Variants in CDH13 observed in about 807,000 individuals in gnomAD.
The protein encoded by CDH13 is cadherin 13.
Under a neutral mutation model 63.8 loss-of-function variants are expected in CDH13, and 24 were observed. The ratio of observed to expected loss-of-function variants is 0.38; its 90% confidence interval spans 0.27 to 0.53. The LOEUF (loss-of-function observed/expected upper bound fraction) is 0.53, where lower values mean the gene tolerates loss of function less well. Among genes scored for constraint, CDH13 ranks in the 20% least tolerant of loss-of-function variants. The probability of loss-of-function intolerance (pLI) is 0.85; values close to 1 mark genes in which losing one functional copy is unlikely to be tolerated. For synonymous variants in CDH13, 503 were observed against 355.3 expected (o/e 1.42, Z -4.67); for missense variants, 1,049 against 903.1 (o/e 1.16, Z -2.07).
chr16:83,343,736 C>G (rs1435415922), intron 5 of CDH13, among the ~76,000 whole-genome samples: 1 of 152,084 alleles, frequency 6.6e-6, no homozygotes, highest in Non-Finnish European at 1.5e-5. Context: ...TATTTAAATG[C>G]TTTAGAAATA....
At chr16:83,255,995 C>T (rs1034309131) in intron 5 of CDH13, among the ~76,000 whole-genome samples, 6 of 152,158 alleles carry the variant, frequency 3.9e-5, no homozygotes, top group Non-Finnish European at 8.8e-5. Flanking sequence ...CCTAGGGCCA[C>T]TGAGGATTAA....
At chr16:82,883,020 A>T (rs778666493) in intron 2 of CDH13, among the ~76,000 whole-genome samples, 2 of 152,174 alleles carry the variant, frequency 1.3e-5, no homozygotes, top group Non-Finnish European at 2.9e-5. Context: ...AAGTTCACTA[A>T]TTTCAATTAT....
intron 1 of CDH13, among the ~76,000 whole-genome samples, chr16:82,645,052 C>G (rs1258862879): frequency 6.6e-6 from 1 of 152,120 alleles, no homozygotes; most frequent in African/African-American, 2.4e-5. Flanking sequence ...GAGGGCTCTT[C>G]CCAAACCCCT....
At chr16:83,683,791 T>C (rs1904277088) in intron 10 of CDH13, among the ~76,000 whole-genome samples, 1 of 152,228 alleles carries the variant, frequency 6.6e-6, no homozygotes, top group African/African-American at 2.4e-5. Flanking sequence ...TTTTGGCATA[T>C]ACAGAATTCT....
rs1307051021 is a variant in CDH13, at chr16:83,047,142, T to G, written c.366+14924T>G. ...GATATAAAGCTTTAAACAGTAGTAG[T>G]TCTCCGTGAGACCCAAGGAAAGGTC... On this transcript the variant is annotated intron_variant, in intron 3 of 13. Transcript: ENST00000567109. The surrounding 1 kb of genome is among the most constrained non-coding windows in gnomAD (Gnocchi z 4.9). Among the ~76,000 whole-genome samples, 1 of 152,198 alleles carries G rather than the reference T, an allele frequency of 6.6e-6. No individual in the cohort carries two copies. The highest frequency in any genetic ancestry group is 2.4e-5 in the African/African-American group (1 of 41,444).
chr16:83,571,486 C>G (rs1904616507), intron 7 of CDH13, among the ~76,000 whole-genome samples: 1 of 152,114 alleles, frequency 6.6e-6, no homozygotes, highest in African/African-American at 2.4e-5. Context: ...CTAACAGAAT[C>G]TAAGTTTAAG....
At chr16:83,025,655 G>A (rs142249481) in intron 2 of CDH13, among the ~76,000 whole-genome samples, 51 of 152,232 alleles carry the variant, frequency 3.4e-4, no homozygotes, top group African/African-American at 1.2e-3. Context: ...TTTGCCCAAC[G>A]TCACAGGGCT....
chr16:83,318,932 A>T (rs2090163377), intron 5 of CDH13, among the ~76,000 whole-genome samples: 1 of 152,058 alleles, frequency 6.6e-6, no homozygotes, highest in Non-Finnish European at 1.5e-5. Context: ...AGCTCACAGG[A>T]GTAAAAAACA....
intron 5 of CDH13, among the ~76,000 whole-genome samples, chr16:83,226,555 G>T (rs995458705): frequency 2.6e-5 from 4 of 152,170 alleles, no homozygotes; most frequent in African/African-American, 9.7e-5. Flanking sequence ...TAAATGACAG[G>T]ATGGCTACCC....
At chr16:82,736,533 T>C (rs1199335363) in intron 1 of CDH13, among the ~76,000 whole-genome samples, 1 of 152,156 alleles carries the variant, frequency 6.6e-6, no homozygotes, top group South Asian at 2.1e-4. Flanking sequence ...ATAAGAGCCA[T>C]GGGGCAGCAT....
intron 5 of CDH13, among the ~76,000 whole-genome samples, chr16:83,223,262 G>A (rs2039750449): frequency 6.6e-6 from 1 of 152,154 alleles, no homozygotes; most frequent in Non-Finnish European, 1.5e-5. Context: ...ATGGTGCCTG[G>A]CACCTTGCAC....
At chr16:83,259,482 G>A (rs538138613) in intron 5 of CDH13, among the ~76,000 whole-genome samples, 5 of 152,164 alleles carry the variant, frequency 3.3e-5, no homozygotes, top group African/African-American at 9.6e-5. Context: ...TGGAGTTCTC[G>A]ACGTTCGTTT....
intron 7 of CDH13, among the ~76,000 whole-genome samples, chr16:83,506,912 C>G (rs969627887): frequency 6.6e-6 from 1 of 152,200 alleles, no homozygotes; most frequent in African/African-American, 2.4e-5. Context: ...TAACTGTAGC[C>G]TCACCAACAT....
At chr16:82,792,649 C>G (rs953727131) in intron 1 of CDH13, among the ~76,000 whole-genome samples, 2 of 152,180 alleles carry the variant, frequency 1.3e-5, no homozygotes, top group African/African-American at 4.8e-5. Context: ...GCAGGTGGAC[C>G]TTCATTCAGG....
intron 2 of CDH13, among the ~76,000 whole-genome samples, chr16:82,977,710 A>G (rs1044501487): frequency 2.6e-5 from 4 of 152,180 alleles, no homozygotes; most frequent in Non-Finnish European, 5.9e-5. Context: ...TAATACAGCA[A>G]ATTGGTTCTG....
intron 4 of CDH13, among the ~76,000 whole-genome samples, chr16:83,195,650 C>T (rs968748093): frequency 3.9e-5 from 6 of 152,130 alleles, no homozygotes. Context: ...CCTCCTCCAA[C>T]ATTGGGGATT....
At chr16:82,650,447 T>C (rs17177013) in intron 1 of CDH13, among the ~76,000 whole-genome samples, 35,936 of 152,034 alleles carry the variant, frequency 0.24, 4,393 homozygotes, top group Middle Eastern at 0.28. Context: ...GCTCATATCA[T>C]TGATGCTTGG....
At chr16:83,113,201 C>T (rs145556525) in intron 3 of CDH13, among the ~76,000 whole-genome samples, 5 of 152,340 alleles carry the variant, frequency 3.3e-5, no homozygotes, top group African/African-American at 1.2e-4. Context: ...CTTCACAAAG[C>T]ATTGAGCACC....
chr16:83,014,011 C>T (rs979296551), intron 2 of CDH13, among the ~76,000 whole-genome samples: 1 of 152,114 alleles, frequency 6.6e-6, no homozygotes, highest in Non-Finnish European at 1.5e-5. Flanking sequence ...TTGCTAAACA[C>T]TCGAGGTAAA....
Sources: gnomAD v4.1 joint callset for allele counts (sites outside exome capture counted in the v4.1 genomes callset) on GRCh38, gnomAD v4.1.1 for gene constraint, Gnocchi (gnomAD v3.1) non-coding constraint, MANE v1.5 for transcripts, NCBI Gene and HGNC (gene_info 2026-07-23, HGNC 2026-07-21) for gene names.